Variants in MGAT4C observed in about 807,000 individuals in gnomAD.
MGAT4C encodes the protein alpha-1,3-mannosyl-glycoprotein 4-beta-N-acetylglucosaminyltransferase C.
Under a neutral mutation model 40.1 loss-of-function variants are expected in MGAT4C, and 19 were observed. The observed-to-expected ratio is 0.47, with a 90% CI of 0.33 to 0.70. The LOEUF (loss-of-function observed/expected upper bound fraction) is 0.70, where lower values mean the gene tolerates loss of function less well. Among genes scored for constraint, MGAT4C ranks in the 30% least tolerant of loss-of-function variants. The pLI is 0.02. For synonymous variants in MGAT4C, 181 were observed against 187.1 expected (o/e 0.97, Z 0.27); for missense variants, 491 against 563.2 (o/e 0.87, Z 1.30).
intron 1 of MGAT4C, among the ~76,000 whole-genome samples, chr12:86,113,351 G>T (rs940606134): frequency 2.0e-5 from 3 of 151,740 alleles, no homozygotes; most frequent in African/African-American, 7.3e-5. Context: ...GTGGTGCAAC[G>T]TTTGCTTTTC....
At chr12:86,010,694 C>CA (rs1555205198) in intron 2 of MGAT4C, among the ~76,000 whole-genome samples, 1,344 of 60,262 alleles carry the variant, frequency 0.022, 9 homozygotes, top group Non-Finnish European at 0.034. Flanking sequence ...ACAAACAAAC[C>CA]AACAAACAAA....
intron 2 of MGAT4C, among the ~76,000 whole-genome samples, chr12:86,458,598 C>T (rs1957546553): frequency 6.6e-6 from 1 of 152,204 alleles, no homozygotes; most frequent in African/African-American, 2.4e-5. Context: ...ACTCAGTTTA[C>T]TCCTCACAAT....
At chr12:86,254,911 G>C (rs1952454009) in intron 1 of MGAT4C, among the ~76,000 whole-genome samples, 4 of 152,062 alleles carry the variant, frequency 2.6e-5, no homozygotes, top group Admixed American at 2.0e-4. Flanking sequence ...CAACAGTAAT[G>C]TCTAGAGCTG....
intron 2 of MGAT4C, among the ~76,000 whole-genome samples, chr12:86,514,037 C>T (rs1258891734): frequency 6.7e-6 from 1 of 150,068 alleles, no homozygotes; most frequent in African/African-American, 2.5e-5. Context: ...GAGTTGTCAG[C>T]TGCCTAAGTG....
In MGAT4C at chr12:86,254,759, A is replaced by G. The variant is rs535622875; in HGVS notation, c.-57+1480T>C. ...AAATTGACTCTAGATGTATATTGGA[A>G]GCTTTTTGAGGTTTTGTTGATTACG... On this transcript the variant is annotated intron_variant, in intron 1 of 4. Transcript: ENST00000611864. Among the ~76,000 whole-genome samples the G allele has an allele frequency of 2.0e-5, 3 of 152,190 alleles. 1 individual carries two copies. In the South Asian group the frequency reaches 6.2e-4, roughly 32 times the overall value.
At chr12:86,332,338 T>C (rs563316445) in intron 4 of MGAT4C, among the ~76,000 whole-genome samples, 1 of 152,138 alleles carries the variant, frequency 6.6e-6, no homozygotes, top group African/African-American at 2.4e-5. Context: ...TATTAGGTTT[T>C]AGTTTTACAC....
chr12:86,746,718 A>G (rs113679977), intron 1 of MGAT4C, among the ~76,000 whole-genome samples: 10 of 151,748 alleles, frequency 6.6e-5, no homozygotes, highest in Non-Finnish European at 1.5e-4. Flanking sequence ...CTCTTCTGGA[A>G]CAGTCCTTCA....
At chr12:86,615,158 T>C (rs1171202898) in intron 2 of MGAT4C, among the ~76,000 whole-genome samples, 1 of 152,040 alleles carries the variant, frequency 6.6e-6, no homozygotes, top group African/African-American at 2.4e-5. Context: ...TTACTTTCTC[T>C]CATTACAGTG....
intron 4 of MGAT4C, among the ~76,000 whole-genome samples, chr12:86,291,065 T>C (rs1346745538): frequency 6.6e-6 from 1 of 152,170 alleles, no homozygotes; most frequent in African/African-American, 2.4e-5. Context: ...GCACATGTTC[T>C]GCCCACTCAA....
At chr12:86,435,220 C>A (rs1222940509) in exon 3 of MGAT4C, 1 of 151,876 alleles carries the variant, frequency 6.6e-6, no homozygotes, top group Non-Finnish European at 1.5e-5. Flanking sequence ...AAAGACAGAT[C>A]CACAGCAGCT....
intron 4 of MGAT4C, among the ~76,000 whole-genome samples, chr12:86,268,694 T>TATACATATATATATATATACAC (rs1952854476): frequency 1.4e-5 from 2 of 144,512 alleles, no homozygotes; most frequent in Non-Finnish European, 3.0e-5. Context: ...TATACATATA[T>TATACATATATATATATATACAC]ATACACATAT....
Position 86,511,351 on chromosome 12 carries a change from A to G in MGAT4C, c.-228-76086T>C, listed in dbSNP as rs118093056. Reference sequence around the variant, plus strand: ...GACGCATTTAATATTTCTTTCATCAATGTTTCACCGTTTTCAGTGCATAAG... The same window carrying G: ...GACGCATTTAATATTTCTTTCATCAGTGTTTCACCGTTTTCAGTGCATAAG... On this transcript the variant is annotated intron_variant, in intron 2 of 7. Transcript: ENST00000548651. Among the ~76,000 whole-genome samples, 314 of 152,242 alleles carry G rather than the reference A, an allele frequency of 2.1e-3. 12 individuals are homozygous for G. The East Asian group carries it at 0.049, about 24-fold the overall frequency.
chr12:86,034,903 A>G (rs1006350867), intron 2 of MGAT4C, among the ~76,000 whole-genome samples: 1 of 150,142 alleles, frequency 6.7e-6, no homozygotes, highest in East Asian at 1.9e-4. Flanking sequence ...TGCAAAGAAC[A>G]TGAACTCATC....
intron 1 of MGAT4C, among the ~76,000 whole-genome samples, chr12:86,102,525 G>A (rs1413424902): frequency 2.6e-5 from 4 of 152,004 alleles, no homozygotes; most frequent in Non-Finnish European, 5.9e-5. Context: ...ATGGCACTAA[G>A]CTAATAAGTT....
At chr12:86,825,490 C>T (rs1952788984) in intron 1 of MGAT4C, among the ~76,000 whole-genome samples, 1 of 151,180 alleles carries the variant, frequency 6.6e-6, no homozygotes, top group Non-Finnish European at 1.5e-5. Flanking sequence ...AAACTATTAA[C>T]TGAGACAAAT....
At chr12:86,622,043 G>A (rs969399913) in intron 2 of MGAT4C, among the ~76,000 whole-genome samples, 4 of 152,140 alleles carry the variant, frequency 2.6e-5, no homozygotes, top group Non-Finnish European at 1.5e-5. Context: ...GCTAATGTAA[G>A]TGTTCTGTAT....
At chr12:86,566,760 G>GTGTGTA (rs771093227) in intron 2 of MGAT4C, among the ~76,000 whole-genome samples, 203 of 146,888 alleles carry the variant, frequency 1.4e-3, no homozygotes, top group Non-Finnish European at 1.8e-3. Context: ...GTGTGTGTGT[G>GTGTGTA]TATATATATA....
At chr12:86,677,208 A>G (rs1272656424) in intron 2 of MGAT4C, among the ~76,000 whole-genome samples, 1 of 152,166 alleles carries the variant, frequency 6.6e-6, no homozygotes, top group Admixed American at 6.6e-5. Flanking sequence ...GCCTTCCTGA[A>G]TTAAGTAAAA....
At chr12:86,601,813 A>C (rs1014777611) in intron 2 of MGAT4C, among the ~76,000 whole-genome samples, 3 of 151,796 alleles carry the variant, frequency 2.0e-5, no homozygotes, top group African/African-American at 7.3e-5. Flanking sequence ...AAACACACAC[A>C]CCCCACCCTC....
Sources: gnomAD v4.1 joint callset for allele counts (sites outside exome capture counted in the v4.1 genomes callset) on GRCh38, gnomAD v4.1.1 for gene constraint, MANE v1.5 for transcripts, NCBI Gene and HGNC (gene_info 2026-07-23, HGNC 2026-07-21) for gene names.